Variants in EAF2 observed in about 807,000 individuals in gnomAD.
EAF2 encodes the protein ELL-associated factor 2.
A neutral mutation model predicts 29.4 loss-of-function variants in EAF2; 29 were observed. The ratio of observed to expected loss-of-function variants is 0.99; its 90% CI spans 0.73 to 1.35. The LOEUF is 1.35. Ranked by LOEUF, EAF2 falls within the 40% of genes most tolerant of loss-of-function variation. The pLI is 0.00. For missense variants in EAF2, 292 were observed against 312.0 expected, an observed-to-expected ratio of 0.94 and a Z score of 0.48; for synonymous variants, 103 against 102.5, an observed-to-expected ratio of 1.00 and a Z score of -0.03.
At chr3:121,866,541 T>C (rs1025294563) in intron 4 of EAF2, among the ~76,000 whole-genome samples, 1 of 151,648 alleles carries the variant, frequency 6.6e-6, no homozygotes, top group Non-Finnish European at 1.5e-5. Context: ...GCCTGGCCAA[T>C]GTGGTGAAAC....
intron 4 of EAF2, among the ~76,000 whole-genome samples, chr3:121,866,975 T>G (rs1172671931): frequency 1.3e-5 from 2 of 152,152 alleles, no homozygotes; most frequent in African/African-American, 4.8e-5. Context: ...ATAGAAGTTT[T>G]AAGTAAGAAT....
intron 4 of EAF2, 105 bp from the exon 5 acceptor site, chr3:121,872,432 G>T: frequency 1.1e-6 from 1 of 883,034 alleles, no homozygotes; most frequent in Non-Finnish European, 1.7e-6. Flanking sequence ...ATGTATGTTT[G>T]ATTTTAGTTT....
chr3:121,859,878 T>C (rs1366036548), intron 4 of EAF2, among the ~76,000 whole-genome samples: 1 of 152,248 alleles, frequency 6.6e-6, no homozygotes, highest in Non-Finnish European at 1.5e-5. Flanking sequence ...GTTTTTAGCA[T>C]GAAGGGCTGT....
At chr3:121,886,225 A>T (rs953037796) in intron 5 of EAF2, 117 bp from the exon 6 acceptor site, 11 of 503,512 alleles carry the variant, frequency 2.2e-5, no homozygotes, top group Non-Finnish European at 3.6e-5. Context: ...AGAATAAGCA[A>T]AATACTAGGT....
chr3:121,854,647 A>G (rs750809228), intron 2 of EAF2, 40 bp from the exon 3 acceptor site: 5 of 1,448,916 alleles, frequency 3.5e-6, no homozygotes, highest in Middle Eastern at 2.1e-4. Context: ...GTGAATTCCT[A>G]TGATAAATTT....
At chr3:121,840,961 G>A (rs895510309) in intron 1 of EAF2, among the ~76,000 whole-genome samples, 1 of 152,116 alleles carries the variant, frequency 6.6e-6, no homozygotes, top group Admixed American at 6.6e-5. Context: ...AGAGAAGAGG[G>A]AACTTTGAAA....
At chr3:121,849,271 G>C (rs1317862850) in intron 2 of EAF2, among the ~76,000 whole-genome samples, 10 of 151,744 alleles carry the variant, frequency 6.6e-5, no homozygotes, top group Admixed American at 5.9e-4. Flanking sequence ...TCTTTGATAG[G>C]GTAGATTTTC....
intron 2 of EAF2, among the ~76,000 whole-genome samples, chr3:121,854,351 T>C (rs1040618558): frequency 8.8e-5 from 13 of 148,372 alleles, no homozygotes; most frequent in African/African-American, 3.2e-4. Context: ...ATAGAAAATA[T>C]GATTCAAGGC....
chr3:121,845,221 C>T (rs371871065), intron 2 of EAF2, among the ~76,000 whole-genome samples: 18 of 152,012 alleles, frequency 1.2e-4, no homozygotes, highest in East Asian at 5.8e-4. Flanking sequence ...AGGTGGATCA[C>T]GAGGTCAAGA....
chr3:121,844,356 T>C, intron 1 of EAF2, 97 bp from the exon 2 acceptor site: 1 of 738,778 alleles, frequency 1.4e-6, no homozygotes, highest in South Asian at 1.7e-5. Flanking sequence ...ATTACAAAGC[T>C]CTTGAAAAAT....
At chr3:121,842,391 TTCTC>T in intron 1 of EAF2, among the ~76,000 whole-genome samples, 1 of 152,352 alleles carries the variant, frequency 6.6e-6, no homozygotes. Context: ...TAAAGTTTTT[TTCTC>T]TCTTTGTTGA....
intron 4 of EAF2, among the ~76,000 whole-genome samples, chr3:121,871,715 C>T (rs1274352468): frequency 6.6e-6 from 1 of 151,930 alleles, no homozygotes; most frequent in Non-Finnish European, 1.5e-5. Context: ...AATGTGTTAA[C>T]TGAGTGTATT....
chr3:121,848,971 G>T (rs559464149), intron 2 of EAF2, among the ~76,000 whole-genome samples: 11 of 152,088 alleles, frequency 7.2e-5, no homozygotes, highest in Non-Finnish European at 1.3e-4. Flanking sequence ...TGTAGTCCTT[G>T]AACAATCATG....
chr3:121,866,742 A>T (rs1034434292), intron 4 of EAF2, among the ~76,000 whole-genome samples: 8 of 151,790 alleles, frequency 5.3e-5, no homozygotes, highest in Non-Finnish European at 1.2e-4. Flanking sequence ...TAAAAAAAAT[A>T]AAAAATAAAA....
intron 5 of EAF2, among the ~76,000 whole-genome samples, chr3:121,874,416 G>C (rs922879736): frequency 6.6e-6 from 1 of 151,782 alleles, no homozygotes; most frequent in Non-Finnish European, 1.5e-5. Context: ...AGAAAACTCA[G>C]CTTGGTTGTA....
intron 4 of EAF2, among the ~76,000 whole-genome samples, chr3:121,868,716 C>T (rs1430183197): frequency 1.3e-5 from 2 of 152,110 alleles, no homozygotes; most frequent in South Asian, 2.1e-4. Flanking sequence ...CTGAGAAAAA[C>T]GTGAAGCAAA....
intron 4 of EAF2, among the ~76,000 whole-genome samples, chr3:121,861,114 T>C (rs1708821870): frequency 6.6e-6 from 1 of 152,190 alleles, no homozygotes; most frequent in African/African-American, 2.4e-5. Context: ...TTGGAATAAG[T>C]GTGATGTGGT....
intron 1 of EAF2, among the ~76,000 whole-genome samples, chr3:121,841,544 GAAAGAAAGA>G (rs1708431673): frequency 4.3e-5 from 1 of 23,220 alleles, no homozygotes; most frequent in South Asian, 1.5e-3. Flanking sequence ...AAAAAAAAAA[GAAAGAAAGA>G]AAGAAAAAAG....
chr3:121,850,111 A>G (rs1708604559), intron 2 of EAF2, among the ~76,000 whole-genome samples: 1 of 151,460 alleles, frequency 6.6e-6, no homozygotes. Flanking sequence ...TATGAAGTAT[A>G]TCTTTTGTTA....
Sources: gnomAD v4.1 joint callset for allele counts (sites outside exome capture counted in the v4.1 genomes callset) on GRCh38, gnomAD v4.1.1 for gene constraint, MANE v1.5 for transcripts, NCBI Gene and HGNC (gene_info 2026-07-23, HGNC 2026-07-21) for gene names.